The following CCDC171 variants were observed in gnomAD, a reference collection of about 807,000 sequenced individuals.
CCDC171 encodes the protein coiled-coil domain containing 171.
Under a neutral mutation model 168.2 loss-of-function variants are expected in CCDC171, and 177 were observed. The ratio of observed to expected loss-of-function variants is 1.05; its 90% CI spans 0.93 to 1.19. The LOEUF (loss-of-function observed/expected upper bound fraction) is 1.19, where lower values mean the gene tolerates loss of function less well. Ranked by LOEUF, CCDC171 falls within the 50% of genes most tolerant of loss-of-function variation. The pLI is 0.00. For synonymous variants in CCDC171, 687 were observed against 540.8 expected, an observed-to-expected ratio of 1.27 and a Z score of -3.75; for missense variants, 1,991 against 1,539.0, an observed-to-expected ratio of 1.29 and a Z score of -4.91.
At chr9:15,701,055 A>G (rs187147386) in intron 11 of CCDC171, among the ~76,000 whole-genome samples, 1 of 152,076 alleles carries the variant, frequency 6.6e-6, no homozygotes, top group East Asian at 1.9e-4. Context: ...ATGTCTACTT[A>G]TGTCCTTTGC....
At chr9:15,990,643 G>C (rs1008919293) in intron 3 of CCDC171, among the ~76,000 whole-genome samples, 1 of 152,146 alleles carries the variant, frequency 6.6e-6, no homozygotes, top group African/African-American at 2.4e-5. Flanking sequence ...ACTGGATAAA[G>C]CGTCAAGACC....
chr9:15,634,956 T>G (rs2046086658), intron 7 of CCDC171, among the ~76,000 whole-genome samples: 1 of 152,242 alleles, frequency 6.6e-6, no homozygotes, highest in Non-Finnish European at 1.5e-5. Flanking sequence ...TTGTCCATGT[T>G]GCAGCATGTA....
chr9:15,812,177 G>A (rs1278308700), intron 21 of CCDC171, among the ~76,000 whole-genome samples: 2 of 152,140 alleles, frequency 1.3e-5, no homozygotes, highest in Non-Finnish European at 2.9e-5. Flanking sequence ...CTTAGAAGAA[G>A]TCCATTAAGA....
At chr9:15,589,300 C>T (rs1278227115) in intron 4 of CCDC171, among the ~76,000 whole-genome samples, 1 of 152,198 alleles carries the variant, frequency 6.6e-6, no homozygotes, top group Non-Finnish European at 1.5e-5. Context: ...TAAGCCCAGA[C>T]ATCTCTTGGG....
intron 24 of CCDC171, among the ~76,000 whole-genome samples, chr9:15,899,425 T>C (rs1821342271): frequency 6.6e-6 from 1 of 152,194 alleles, no homozygotes; most frequent in Non-Finnish European, 1.5e-5. Context: ...GTTTCCAGAA[T>C]GACTGCCATT....
rs922733306 is a variant in CCDC171 at position 15,553,161 on chromosome 9, C to T, written c.-253C>T. 2 of 152,612 alleles carry T rather than the reference C, an allele frequency of 1.3e-5. No homozygotes were observed. Among genetic ancestry groups the T allele is most frequent in the African/African-American group, 4.8e-5 (2 of 41,446 alleles). 9.5% of individuals were successfully genotyped at this position (152,612 alleles called of 1,614,324 possible). ...GTACCCCTTTGCTGTTTGTCCCCCT[C>T]CTCCCGGGTCCTGGAGTCCGTCGTG... On this transcript the variant is annotated 5_prime_UTR_variant, in exon 1 of 26. Coordinates refer to ENST00000380701, the MANE Select transcript of CCDC171 (RefSeq NM_173550.4).
At chr9:16,065,663 A>C (rs948979992), downstream of CCDC171, among the ~76,000 whole-genome samples, 2 of 152,174 alleles carry the variant, frequency 1.3e-5, no homozygotes, top group Non-Finnish European at 2.9e-5. Context: ...TAGAAACATG[A>C]TGACATTATT....
chr9:15,690,406 G>T (rs977914164), intron 10 of CCDC171, among the ~76,000 whole-genome samples: 1 of 152,140 alleles, frequency 6.6e-6, no homozygotes, highest in Admixed American at 6.6e-5. Flanking sequence ...TTTAGTATAT[G>T]ATAATGTTTG....
chr9:15,772,739 G>A (rs548343013), intron 18 of CCDC171, among the ~76,000 whole-genome samples: 1 of 152,290 alleles, frequency 6.6e-6, no homozygotes, highest in South Asian at 2.1e-4. Flanking sequence ...GATCCTAGTT[G>A]TGTGTTACGA....
intron 21 of CCDC171, among the ~76,000 whole-genome samples, chr9:15,823,605 T>A (rs1003485372): frequency 6.6e-6 from 1 of 152,062 alleles, no homozygotes; most frequent in Non-Finnish European, 1.5e-5. Flanking sequence ...AGAAAAATAA[T>A]TGCAAAGAAC....
intron 1 of CCDC171, among the ~76,000 whole-genome samples, chr9:15,558,482 A>G (rs1245514595): frequency 1.3e-5 from 2 of 152,034 alleles, no homozygotes; most frequent in African/African-American, 2.4e-5. Flanking sequence ...GTGTCCAGGA[A>G]TTTATCCATT....
At chr9:15,584,187 A>C (rs1269977416) in intron 4 of CCDC171, among the ~76,000 whole-genome samples, 1 of 152,060 alleles carries the variant, frequency 6.6e-6, no homozygotes, top group Non-Finnish European at 1.5e-5. Context: ...TAATTTTGTA[A>C]CTGTTAAGAT....
intron 18 of CCDC171, among the ~76,000 whole-genome samples, chr9:15,760,315 C>G (rs1360584263): frequency 6.6e-6 from 1 of 151,998 alleles, no homozygotes; most frequent in Non-Finnish European, 1.5e-5. Context: ...AACATTCAGT[C>G]TTTTTAAAGA....
intron 24 of CCDC171, among the ~76,000 whole-genome samples, chr9:15,905,685 A>T (rs1822470629): frequency 6.6e-6 from 1 of 152,320 alleles, no homozygotes; most frequent in South Asian, 2.1e-4. Context: ...AGCAGAAGTG[A>T]AGGAGATAGA....
At chr9:16,092,422 G>A in the CCDC171 span, among the ~76,000 whole-genome samples, 3 of 152,254 alleles carry the variant, frequency 2.0e-5, no homozygotes, top group Middle Eastern at 3.4e-3. Flanking sequence ...GCTGAGATGC[G>A]CTGGTCTGCC....
rs1817578677 is a variant in CCDC171 at position 15,874,471 on chromosome 9, G to T, written c.3469-61G>T. On this transcript the variant is annotated intron_variant, in intron 23 of 25. Coordinates refer to ENST00000380701, the MANE Select transcript of CCDC171 (RefSeq NM_173550.4). ...CACTCAGTGGGCTCAAGGGGACCCA[G>T]TTCATCCCAGTTAATGTGTCTGAAG... 17 of 1,463,546 alleles carry T rather than the reference G, an allele frequency of 1.2e-5. No individual in the cohort carries two copies. In the East Asian group the frequency reaches 3.8e-4, roughly 33 times the overall value. 90.7% of individuals were successfully genotyped at this position (1,463,546 alleles called of 1,614,324 possible).
At chr9:15,949,056 C>T (rs1335233969) in intron 25 of CCDC171, among the ~76,000 whole-genome samples, 9 of 152,066 alleles carry the variant, frequency 5.9e-5, no homozygotes, top group African/African-American at 2.2e-4. Flanking sequence ...GCCAGTTTTC[C>T]CAGCACCATT....
intron 7 of CCDC171, among the ~76,000 whole-genome samples, chr9:15,640,172 G>A (rs1239459683): frequency 6.6e-6 from 1 of 152,058 alleles, no homozygotes; most frequent in Non-Finnish European, 1.5e-5. Flanking sequence ...TTTGTTTAAT[G>A]GGATTGAATA....
rs192506477 is a variant in CCDC171 at position 15,597,075 on chromosome 9, A to G, written c.675+2903A>G. On this transcript the variant is annotated intron_variant, in intron 6 of 25. Transcript: ENST00000380701. The stretch of plus-strand genomic sequence containing the variant: ...GACGATGGGGTTTTCTAGTTATACA[A>G]TCATGTCATCTGCAAACAGGGACAA... Among the ~76,000 whole-genome samples the G allele has an allele frequency of 6.7e-3, 1,018 of 152,220 alleles. 10 individuals are homozygous for G. Among genetic ancestry groups the G allele is most frequent in the African/African-American group, 0.024 (992 of 41,526 alleles).
Sources: allele counts gnomAD v4.1 joint callset (sites outside exome capture counted in the v4.1 genomes callset), GRCh38; gene constraint gnomAD v4.1.1; transcripts MANE v1.5; gene names NCBI Gene and HGNC (gene_info 2026-07-23, HGNC 2026-07-21).